LY86: variants seen among roughly 807,000 people sequenced by gnomAD.
The protein encoded by LY86 is lymphocyte antigen 86.
In LY86, 20 loss-of-function variants were observed where a neutral mutation model predicts 17.3. The observed-to-expected ratio is 1.15, with a 90% CI of 0.81 to 1.68. The LOEUF is 1.68. Ranked by LOEUF, LY86 falls within the 40% of genes most tolerant of loss-of-function variation. The pLI is 0.00. For synonymous variants in LY86, 74 were observed against 70.6 expected (o/e 1.05, Z -0.24); for missense variants, 200 against 191.9 (o/e 1.04, Z -0.25).
At chr6:6,602,396 G>A (rs549020652) in intron 1 of LY86, among the ~76,000 whole-genome samples, 12 of 152,284 alleles carry the variant, frequency 7.9e-5, no homozygotes, top group South Asian at 4.1e-4. Context: ...AAAGACAGCC[G>A]AAGGCAAGAA....
intron 1 of LY86, among the ~76,000 whole-genome samples, chr6:6,617,111 A>C (rs933746251): frequency 6.6e-6 from 1 of 152,258 alleles, no homozygotes; most frequent in Non-Finnish European, 1.5e-5. Context: ...AATTAGTAAC[A>C]GAAAGTTGAA....
At chr6:6,643,062 T>G (rs374944482) in intron 3 of LY86, among the ~76,000 whole-genome samples, 1 of 152,218 alleles carries the variant, frequency 6.6e-6, no homozygotes, top group East Asian at 1.9e-4. Context: ...ACTGCCTCCC[T>G]GCATGCAGGT....
chr6:6,652,798 T>C (rs1373020363), intron 4 of LY86, among the ~76,000 whole-genome samples: 1 of 152,212 alleles, frequency 6.6e-6, no homozygotes, highest in Non-Finnish European at 1.5e-5. Context: ...TTATCTCTTA[T>C]ACCAGAGTCT....
At chr6:6,634,018 C>T (rs1761930610) in intron 3 of LY86, among the ~76,000 whole-genome samples, 1 of 152,090 alleles carries the variant, frequency 6.6e-6, no homozygotes, top group African/African-American at 2.4e-5. Context: ...CAATGAAAAC[C>T]TGAGAGGACT....
intron 3 of LY86, among the ~76,000 whole-genome samples, chr6:6,642,692 G>A (rs1762056915): frequency 6.6e-6 from 1 of 152,192 alleles, no homozygotes; most frequent in African/African-American, 2.4e-5. Context: ...CTACATCCTC[G>A]AGGGTCAGAA....
intron 1 of LY86, among the ~76,000 whole-genome samples, chr6:6,603,609 A>AAC (rs1561778024): frequency 1.0e-4 from 11 of 107,392 alleles, no homozygotes; most frequent in South Asian, 6.4e-4. Context: ...GAAACAGAAA[A>AAC]AAAAACAAAC....
At chr6:6,599,761 G>A in intron 1 of LY86, among the ~76,000 whole-genome samples, 1 of 152,202 alleles carries the variant, frequency 6.6e-6, no homozygotes, top group East Asian at 1.9e-4. Flanking sequence ...GTGCCTCCTT[G>A]TTTAGAAAAG....
intron 1 of LY86, among the ~76,000 whole-genome samples, chr6:6,592,913 G>A (rs1581227816): frequency 6.6e-6 from 1 of 152,250 alleles, no homozygotes; most frequent in African/African-American, 2.4e-5. Context: ...AAAGGCAGGA[G>A]AGGTTAGGAC....
chr6:6,628,917 A>G (rs986292035), intron 3 of LY86, among the ~76,000 whole-genome samples: 2 of 152,256 alleles, frequency 1.3e-5, no homozygotes, highest in South Asian at 4.1e-4. Flanking sequence ...CACAACATGC[A>G]TCAAATCCTA....
At chr6:6,594,162 C>T (rs956567381) in intron 1 of LY86, among the ~76,000 whole-genome samples, 1 of 152,118 alleles carries the variant, frequency 6.6e-6, no homozygotes, top group Non-Finnish European at 1.5e-5. Context: ...GACTTATGTC[C>T]CCCTTTGGTT....
At chr6:6,619,956 C>A (rs764646136) in intron 1 of LY86, among the ~76,000 whole-genome samples, 31 of 151,980 alleles carry the variant, frequency 2.0e-4, no homozygotes, top group Non-Finnish European at 1.0e-4. Context: ...ACATTGCAAT[C>A]TTGGGGTTGC....
intron 1 of LY86, among the ~76,000 whole-genome samples, chr6:6,612,321 A>T (rs903763539): frequency 6.6e-6 from 1 of 152,140 alleles, no homozygotes; most frequent in Admixed American, 6.5e-5. Flanking sequence ...CAGGCGTGAA[A>T]CTGCAGACCC....
Position 6,588,722 on chromosome 6 carries a change from A to G in LY86, c.-13A>G. The G allele has an allele frequency of 6.2e-7, 1 of 1,613,694 alleles. No homozygotes were observed. The highest frequency in any genetic ancestry group is 1.1e-5 in the South Asian group (1 of 91,054). On this transcript the variant is annotated 5_prime_UTR_variant, in exon 1 of 5. The change creates a new upstream start codon in the 5' untranslated region. Coordinates refer to ENST00000230568, the MANE Select transcript of LY86 (RefSeq NM_004271.4). The stretch of plus-strand genomic sequence containing the variant: ...CCGGTTATTTTTCTGTGTGTCCCAT[A>G]CAGGCCCCCACCATGAAGGGTTTCA...
At chr6:6,654,365 G>A (rs760578185) in intron 4 of LY86, among the ~76,000 whole-genome samples, 179 bp from the exon 5 acceptor site, 5 of 152,244 alleles carry the variant, frequency 3.3e-5, no homozygotes, top group Non-Finnish European at 4.4e-5. Flanking sequence ...CATAAGGGTG[G>A]TCTGTCTCTC....
At chr6:6,600,794 C>T (rs938902554) in intron 1 of LY86, among the ~76,000 whole-genome samples, 6 of 151,944 alleles carry the variant, frequency 3.9e-5, no homozygotes, top group South Asian at 2.1e-4. Context: ...TCATTTGCCA[C>T]GGGTCTGGAT....
chr6:6,610,432 G>A (rs1256198007), intron 1 of LY86, among the ~76,000 whole-genome samples: 2 of 152,162 alleles, frequency 1.3e-5, no homozygotes, highest in African/African-American at 4.8e-5. Flanking sequence ...CCAGAGTCTG[G>A]GCTCCACTGC....
chr6:6,611,621 C>T (rs146319177), intron 1 of LY86, among the ~76,000 whole-genome samples: 36 of 152,376 alleles, frequency 2.4e-4, no homozygotes, highest in African/African-American at 7.7e-4. Flanking sequence ...CACCGTGTGG[C>T]AGTTCCTGTC....
chr6:6,619,609 G>A (rs116110971), intron 1 of LY86, among the ~76,000 whole-genome samples: 37 of 152,306 alleles, frequency 2.4e-4, no homozygotes, highest in Non-Finnish European at 4.9e-4. Flanking sequence ...TCCGCAGGTC[G>A]TGCCTCTATT....
chr6:6,639,592 G>T (rs996972233), intron 3 of LY86, among the ~76,000 whole-genome samples: 1 of 152,122 alleles, frequency 6.6e-6, no homozygotes, highest in African/African-American at 2.4e-5. Flanking sequence ...TCCTCGGCCC[G>T]TAGTGGCATC....
Sources: allele counts gnomAD v4.1 joint callset (sites outside exome capture counted in the v4.1 genomes callset), GRCh38; gene constraint gnomAD v4.1.1; transcripts MANE v1.5; gene names NCBI Gene and HGNC (gene_info 2026-07-23, HGNC 2026-07-21).